The following NCAPH variants were observed in gnomAD, a reference collection of about 807,000 sequenced individuals.
NCAPH encodes the protein non-SMC condensin I complex subunit H.
A neutral mutation model predicts 85.5 loss-of-function variants in NCAPH; 38 were observed. The ratio of observed to expected loss-of-function variants is 0.44; its 90% CI spans 0.34 to 0.58. NCAPH has a LOEUF of 0.58. NCAPH is among the 20% of genes least tolerant of loss of function. NCAPH has a pLI of 0.01. For synonymous variants in NCAPH, 301 were observed against 335.1 expected, an observed-to-expected ratio of 0.90 and a Z score of 1.11; for missense variants, 789 against 916.6, an observed-to-expected ratio of 0.86 and a Z score of 1.80.
At position 96,376,655 on chromosome 2, in the gene NCAPH, G is replaced by C. The variant is rs150799420; in HGVS notation, c.*3304G>C. ...CATTTCAACACCACAAGGATTTGCA[G>C]CATCTGCGGCAACGAGTTTGGTGTC... On this transcript the variant is annotated 3_prime_UTR_variant, in exon 18 of 18. Coordinates refer to ENST00000240423, the MANE Select transcript of NCAPH (RefSeq NM_015341.5). Among the ~76,000 whole-genome samples, 1 of 152,176 alleles carries C rather than the reference G, an allele frequency of 6.6e-6. No individual in the cohort carries two copies. Among genetic ancestry groups the C allele is most frequent in the Non-Finnish European group, 1.5e-5 (1 of 68,036 alleles).
chr2:96,360,533 G>A lies in NCAPH; in HGVS notation c.1465-55G>A, dbSNP rs1044822265. 8.1e-6 allele frequency: 13 copies of A among 1,597,090 alleles called. No individual in the cohort carries two copies. The African/African-American group carries it at 1.8e-4, about 21-fold the overall frequency. ...TCCCAGACTGCTTTAAAAAAAGTAA[G>A]ATGTTTTGCCCACTGTTAAAATGCC... On this transcript the variant is annotated intron_variant, in intron 11 of 17. Transcript: ENST00000240423.
At position 96,348,149 on chromosome 2, in the gene NCAPH, C is replaced by T. The variant is rs1041086996; in HGVS notation, c.721-3682C>T. ...GGGAACGCTGGCCCCAACCACATCTCGGTTTTATATTAGTGAATCCATTTA... is the reference window on the plus strand; with the variant it reads ...GGGAACGCTGGCCCCAACCACATCTTGGTTTTATATTAGTGAATCCATTTA... On this transcript the variant is annotated intron_variant, in intron 6 of 17. Transcript: ENST00000240423. 2.3e-4 allele frequency among the ~76,000 whole-genome samples: 35 copies of T among 151,006 alleles called. 1 individual carries two copies. Among genetic ancestry groups the T allele is most frequent in the African/African-American group, 8.5e-4 (35 of 41,070 alleles).
Position 96,364,571 on chromosome 2 carries a change from A to G in NCAPH, c.1678A>G (p.Asn560Asp). 1.2e-6 allele frequency: 2 copies of G among 1,612,342 alleles called. No individual in the cohort carries two copies. Among genetic ancestry groups the G allele is most frequent in the Non-Finnish European group, 1.7e-6 (2 of 1,178,356 alleles). ...TTACAACAACCCTAACGACACCTCC[A>G]ACTTTTGCCCTGGATTACAGGTAAA... The part of the protein sequence containing the change: ...YDYNNPNDTS[N>D]FCPGLQAADS... Residue 560 changes from asparagine to aspartate, a missense_variant, in exon 13 of 18, where the codon AAC (asparagine) becomes GAC (aspartate). Physicochemically the swap from Asn to Asp is conservative, Grantham distance 23. Coordinates refer to ENST00000240423, the MANE Select transcript of NCAPH (RefSeq NM_015341.5).
Position 96,376,387 on chromosome 2 carries a change from A to G in NCAPH, c.*3036A>G, listed in dbSNP as rs1264447886. On this transcript the variant is annotated 3_prime_UTR_variant, in exon 18 of 18. Coordinates refer to ENST00000240423, the MANE Select transcript of NCAPH (RefSeq NM_015341.5). ...GAGAATACATCCAAAGGAAGAGGGA[A>G]CCAGGCATTACAAATTGAATTGAAC... Among the ~76,000 whole-genome samples, 1 of 152,212 alleles carries G rather than the reference A, an allele frequency of 6.6e-6. No homozygotes were observed. The highest frequency in any genetic ancestry group is 2.4e-5 in the African/African-American group (1 of 41,462).
intron 8 of NCAPH, 28 bp downstream of exon 8, chr2:96,353,425 T>A (rs770034409): frequency 6.3e-7 from 1 of 1,592,822 alleles, no homozygotes; most frequent in Non-Finnish European, 8.6e-7. Context: ...TGGCTCATGG[T>A]TTCAGTTAGT....
At chr2:96,364,101 TGGTAATG>T (rs779904480) in intron 12 of NCAPH, among the ~76,000 whole-genome samples, 1 of 152,192 alleles carries the variant, frequency 6.6e-6, no homozygotes, top group African/African-American at 2.4e-5. Flanking sequence ...CGTGCCTGGC[TGGTAATG>T]GGTTTTCTGT....
chr2:96,346,156 C>T (rs1233238883), intron 6 of NCAPH, among the ~76,000 whole-genome samples: 1 of 151,954 alleles, frequency 6.6e-6, no homozygotes, highest in Non-Finnish European at 1.5e-5. Context: ...GCTCGGCTGA[C>T]GGGTGTTGTT....
At chr2:96,352,187 A>G (rs1025102990) in intron 7 of NCAPH, among the ~76,000 whole-genome samples, 167 bp downstream of exon 7, 1 of 152,178 alleles carries the variant, frequency 6.6e-6, no homozygotes, top group African/African-American at 2.4e-5. Flanking sequence ...CTTGCAACCC[A>G]CTAACTTTTG....
chr2:96,344,124 G>A lies in NCAPH; in HGVS notation c.615G>A (p.Met205Ile). The change falls in exon 6 of 18, where the codon ATG (methionine) becomes ATA (isoleucine). Residue 205 changes from methionine (M) to isoleucine (I), a missense_variant. Physicochemically the swap from Met to Ile is conservative, Grantham distance 10 (BLOSUM62 1). Coordinates refer to ENST00000240423, the MANE Select transcript of NCAPH (RefSeq NM_015341.5). ...GHVADGSATEMGTTKKAVKPK... is the reference protein window; with the variant it reads ...GHVADGSATEIGTTKKAVKPK... ...TTTTAGATGGAAGTGCTACTGAAAT[G>A]GGAACAACCAAAAAGGCTGTAAAGC... is the stretch of plus-strand genomic sequence containing the variant. 1 of 1,612,902 alleles carries A rather than the reference G, an allele frequency of 6.2e-7. No individual in the cohort carries two copies. Among genetic ancestry groups the A allele is most frequent in the Non-Finnish European group, 8.5e-7 (1 of 1,179,676 alleles).
Position 96,373,583 on chromosome 2 carries a change from A to C in NCAPH, c.*232A>C. 2.3e-6 allele frequency: 1 copy of C among 442,786 alleles called. No homozygotes were observed. Among genetic ancestry groups the C allele is most frequent in the Non-Finnish European group, 4.1e-6 (1 of 246,586 alleles). The allele number at this position is 442,786 out of a possible 1,614,324, so 27.4% of individuals were successfully genotyped here. A position where few individuals can be genotyped will look rare whatever the true frequency, so the allele number is the denominator to read the frequency against. On this transcript the variant is annotated 3_prime_UTR_variant, in exon 18 of 18. Coordinates refer to ENST00000240423, the MANE Select transcript of NCAPH (RefSeq NM_015341.5). ...TACTGCCCTATGGTGACCATCTAGGAGAGGGGAGGGCAGAGGGGGTGAGGG... is the reference window on the plus strand; with the variant it reads ...TACTGCCCTATGGTGACCATCTAGGCGAGGGGAGGGCAGAGGGGGTGAGGG...
At chr2:96,358,896 A>G (rs2064565298) in intron 9 of NCAPH, 149 bp from the exon 10 acceptor site, 1 of 740,290 alleles carries the variant, frequency 1.4e-6, no homozygotes, top group East Asian at 2.8e-5. Flanking sequence ...AAGGGAAGGA[A>G]AAGTACTTGA....
Position 96,342,140 on chromosome 2 carries a change from T to C in NCAPH, c.363T>C (p.Asn121=). ...CCTGTATCAAACTGTCCACTGAAAA[T>C]GTGAGTATTTGCTGGTTTATTATTG... The part of the protein sequence containing the change: ...YSTCIKLSTE[N]KITTKNAFGL... Residue 121 remains asparagine (N), a splice_region_variant and synonymous_variant, in exon 3 of 18, where the codon AAT becomes AAC. Coordinates refer to ENST00000240423, the MANE Select transcript of NCAPH (RefSeq NM_015341.5). 1 of 1,597,126 alleles carries C rather than the reference T, an allele frequency of 6.3e-7. No individual in the cohort carries two copies. Among genetic ancestry groups the C allele is most frequent in the Non-Finnish European group, 8.6e-7 (1 of 1,164,652 alleles).
In NCAPH at chr2:96,375,034, C is replaced by T. The variant is rs1285017306; in HGVS notation, c.*1683C>T. ...GACCAGCCTGGGCAAAATAGAACCC[C>T]ATCTTTAAAAAAAAAGTTTAAAAAT... On this transcript the variant is annotated 3_prime_UTR_variant, in exon 18 of 18. Transcript: ENST00000240423. Among the ~76,000 whole-genome samples the T allele has an allele frequency of 6.6e-6, 1 of 151,762 alleles. No individual in the cohort carries two copies. The highest frequency in any genetic ancestry group is 6.6e-5 in the Admixed American group (1 of 15,238).
chr2:96,352,587 G>T (rs996273802), intron 7 of NCAPH, among the ~76,000 whole-genome samples: 1 of 152,138 alleles, frequency 6.6e-6, no homozygotes, highest in Non-Finnish European at 1.5e-5. Flanking sequence ...TTGTAATGAG[G>T]TGCCAGCAGG....
intron 15 of NCAPH, among the ~76,000 whole-genome samples, chr2:96,368,065 G>A (rs1184805275): frequency 1.3e-5 from 2 of 152,252 alleles, no homozygotes; most frequent in East Asian, 3.9e-4. Context: ...GATTAACTTG[G>A]TCCACCTCAA....
At position 96,360,151 on chromosome 2, in the gene NCAPH, C is replaced by A; in HGVS notation, c.1366C>A (p.Pro456Thr). 1.3e-6 allele frequency: 2 copies of A among 1,577,180 alleles called. No individual in the cohort carries two copies. Among genetic ancestry groups the A allele is most frequent in the South Asian group, 1.1e-5 (1 of 88,872 alleles). The change falls in exon 11 of 18, where the codon CCT becomes ACT. Residue 456 changes from proline to threonine, a missense_variant. Coordinates refer to ENST00000240423, the MANE Select transcript of NCAPH (RefSeq NM_015341.5). Reference protein sequence around the residue: ...RFRPRRKQDAPSQSENKKKST... With the variant: ...RFRPRRKQDATSQSENKKKST... ...CTGTGTTCACTCTGCAGAAGATGCT[C>A]CTTCCCAATCAGAAAACAAAAAGAA...
At chr2:96,342,638 T>A in intron 3 of NCAPH, 118 bp from the exon 4 acceptor site, 1 of 785,854 alleles carries the variant, frequency 1.3e-6, no homozygotes. Context: ...GGAAGAGAGA[T>A]CAGTGACAAT....
chr2:96,362,691 C>G (rs1406000598), intron 12 of NCAPH, among the ~76,000 whole-genome samples: 1 of 152,098 alleles, frequency 6.6e-6, no homozygotes, highest in East Asian at 1.9e-4. Context: ...GTAGAAATAG[C>G]AAGAGAACCA....
At chr2:96,358,066 TAGG>T (rs934386303) in intron 9 of NCAPH, among the ~76,000 whole-genome samples, 38 of 152,136 alleles carry the variant, frequency 2.5e-4, no homozygotes, top group African/African-American at 8.7e-4. Context: ...TGCTTGAGGC[TAGG>T]AGTTCAAGAC....
Sources: gnomAD v4.1 joint callset for allele counts (sites outside exome capture counted in the v4.1 genomes callset) on GRCh38, gnomAD v4.1.1 for gene constraint, MANE v1.5 for transcripts, NCBI Gene and HGNC (gene_info 2026-07-23, HGNC 2026-07-21) for gene names.